Variants in RPN2 observed in about 807,000 individuals in gnomAD.
RPN2 encodes the protein ribophorin II, also known as dolichyl-diphosphooligosaccharide--protein glycosyltransferase subunit 2.
Under a neutral mutation model 71.4 loss-of-function variants are expected in RPN2, and 29 were observed. The observed-to-expected ratio is 0.41, with a 90% CI of 0.30 to 0.55. The LOEUF (loss-of-function observed/expected upper bound fraction) is 0.55. RPN2 is among the 20% of genes least tolerant of loss of function. The pLI is 0.35. For synonymous variants in RPN2, 308 were observed against 305.0 expected (o/e 1.01, Z -0.10); for missense variants, 726 against 774.1 (o/e 0.94, Z 0.74).
intron 5 of RPN2, 103 bp from the exon 6 acceptor site, chr20:37,204,662 AGT>A: frequency 8.3e-7 from 1 of 1,211,438 alleles, no homozygotes; most frequent in Non-Finnish European, 1.2e-6. Flanking sequence ...TCAGATTTAG[AGT>A]GAGAGATGTC....
intron 5 of RPN2, 120 bp downstream of exon 5, chr20:37,204,080 C>G: frequency 1.3e-6 from 1 of 745,244 alleles, no homozygotes. Context: ...ATATCCATGG[C>G]ACACTTGTGT....
chr20:37,180,055 T>C (rs543771517), intron 1 of RPN2, among the ~76,000 whole-genome samples: 10 of 152,228 alleles, frequency 6.6e-5, no homozygotes, highest in Non-Finnish European at 1.3e-4. Flanking sequence ...CTAAGTTAAC[T>C]GCATTGGAAG....
intron 16 of RPN2, among the ~76,000 whole-genome samples, chr20:37,237,739 C>A (rs1047854597): frequency 6.6e-6 from 1 of 152,178 alleles, no homozygotes; most frequent in South Asian, 2.1e-4. Flanking sequence ...CCTCCAGTAG[C>A]CTTTTCCTGG....
chr20:37,225,576 G>A, intron 10 of RPN2, 112 bp from the exon 11 acceptor site: 1 of 755,840 alleles, frequency 1.3e-6, no homozygotes, highest in South Asian at 1.5e-5. Context: ...CACAACAGAA[G>A]TGTTACTATG....
chr20:37,207,260 G>T lies in RPN2; in HGVS notation c.691-13G>T, dbSNP rs758215508. 6.2e-7 allele frequency: 1 copy of T among 1,609,390 alleles called. No individual in the cohort carries two copies. The highest frequency in any genetic ancestry group is 1.3e-5 in the African/African-American group (1 of 74,920). On this transcript the variant is annotated splice_polypyrimidine_tract_variant and intron_variant, in intron 6 of 16. Transcript: ENST00000237530. ...AGAGGAAGAGAAACAGCTGCATTTC[G>T]CATTTCTTTCAGGATCAGGTCATCC...
intron 9 of RPN2, among the ~76,000 whole-genome samples, chr20:37,220,404 G>A (rs111957006): frequency 0.023 from 3,435 of 152,222 alleles, 53 homozygotes; most frequent in Middle Eastern, 0.034. Flanking sequence ...CATTGACATT[G>A]GACTGGCTGT....
chr20:37,198,973 G>A, intron 3 of RPN2, 77 bp from the exon 4 acceptor site: 3 of 1,177,616 alleles, frequency 2.5e-6, no homozygotes, highest in South Asian at 2.4e-5. Flanking sequence ...CAGCTGCTCC[G>A]CATTCTGTCT....
At chr20:37,213,627 G>T (rs577280477) in intron 8 of RPN2, 133 bp from the exon 9 acceptor site, 12 of 724,848 alleles carry the variant, frequency 1.7e-5, no homozygotes, top group Admixed American at 6.2e-5. Flanking sequence ...TTGCCCAAGT[G>T]GGGTGGGAAG....
rs575513951 is a variant in RPN2, at chr20:37,236,470, TAGG to T, written c.1754-107_1754-105del. On this transcript the variant is annotated intron_variant, in intron 15 of 16. Coordinates refer to ENST00000237530, the MANE Select transcript of RPN2 (RefSeq NM_002951.5). The stretch of plus-strand genomic sequence containing the variant: ...AGCAAAGGAATAAAACAAGCTGGTA[TAGG>T]AGTACAGACCTTTTCATGATCCAAC... 2.1e-5 allele frequency: 24 copies of T among 1,134,854 alleles called. No homozygotes were observed. In the South Asian group the frequency reaches 3.0e-4, roughly 14 times the overall value. 70.3% of individuals were successfully genotyped at this position (1,134,854 alleles called of 1,614,324 possible).
At chr20:37,236,959 A>G (rs368053790) in intron 16 of RPN2, among the ~76,000 whole-genome samples, 1 of 8,762 alleles carries the variant, frequency 1.1e-4, no homozygotes, top group Non-Finnish European at 4.0e-4. Context: ...GAAAATTATT[A>G]GCTTTATGAA....
rs535107744 is a variant in RPN2 at position 37,229,957 on chromosome 20, G to T, written c.1495-16G>T. The stretch of plus-strand genomic sequence containing the variant: ...CTCTGCCCCTGTGCTTTTACAGACT[G>T]TCCTTATTTTTCTAGGCTGATGTGG... On this transcript the variant is annotated splice_polypyrimidine_tract_variant and intron_variant, in intron 12 of 16. Coordinates refer to ENST00000237530, the MANE Select transcript of RPN2 (RefSeq NM_002951.5). 1.2e-6 allele frequency: 2 copies of T among 1,600,092 alleles called. No homozygotes were observed. Among genetic ancestry groups the T allele is most frequent in the East Asian group, 4.5e-5 (2 of 44,818 alleles).
chr20:37,186,322 A>G (rs2067009069), intron 2 of RPN2, among the ~76,000 whole-genome samples: 1 of 152,202 alleles, frequency 6.6e-6, no homozygotes, highest in South Asian at 2.1e-4. Context: ...GAGGAGTATG[A>G]ATGTCTTTAG....
intron 4 of RPN2, among the ~76,000 whole-genome samples, chr20:37,202,115 A>G (rs1370088392): frequency 6.6e-6 from 1 of 152,248 alleles, no homozygotes; most frequent in Non-Finnish European, 1.5e-5. Context: ...TGTTACCAGC[A>G]CGGCACTCTC....
At chr20:37,212,296 A>T (rs2067692530) in intron 8 of RPN2, among the ~76,000 whole-genome samples, 1 of 151,894 alleles carries the variant, frequency 6.6e-6, no homozygotes, top group African/African-American at 2.4e-5. Flanking sequence ...AAAACAAAAA[A>T]CTAAGGGTCA....
chr20:37,230,219 T>C (rs753849502), intron 13 of RPN2, among the ~76,000 whole-genome samples, 160 bp downstream of exon 13: 14 of 152,190 alleles, frequency 9.2e-5, no homozygotes, highest in Non-Finnish European at 1.8e-4. Flanking sequence ...ATCCTTGAAC[T>C]GAGAAAACAG....
chr20:37,191,082 G>C (rs140235953), intron 2 of RPN2, among the ~76,000 whole-genome samples: 4 of 152,180 alleles, frequency 2.6e-5, no homozygotes, highest in South Asian at 2.1e-4. Context: ...TTATTATCTC[G>C]TAAGAGGTTT....
intron 6 of RPN2, among the ~76,000 whole-genome samples, chr20:37,206,574 T>C (rs1032625282): frequency 6.6e-6 from 1 of 152,210 alleles, no homozygotes; most frequent in African/African-American, 2.4e-5. Flanking sequence ...AAATTTGAGT[T>C]AATGCATGTA....
chr20:37,185,283 G>A (rs2066982859), intron 2 of RPN2, among the ~76,000 whole-genome samples: 1 of 151,726 alleles, frequency 6.6e-6, no homozygotes, highest in South Asian at 2.1e-4. Context: ...CTACAGGTGT[G>A]CACCACCATG....
At chr20:37,218,299 G>A (rs1034133347) in intron 9 of RPN2, among the ~76,000 whole-genome samples, 1 of 142,528 alleles carries the variant, frequency 7.0e-6, no homozygotes, top group Admixed American at 7.3e-5. Flanking sequence ...ACCTGTCCCA[G>A]CTACTTAAGA....
Sources: gnomAD v4.1 joint callset for allele counts (sites outside exome capture counted in the v4.1 genomes callset) on GRCh38, gnomAD v4.1.1 for gene constraint, MANE v1.5 for transcripts, NCBI Gene and HGNC (gene_info 2026-07-23, HGNC 2026-07-21) for gene names.